The following BBS9 variants were observed in gnomAD, a reference collection of about 807,000 sequenced individuals.
BBS9 encodes protein PTHB1.
A neutral mutation model predicts 117.7 loss-of-function variants in BBS9; 89 were observed. The observed-to-expected ratio is 0.76, with a 90% confidence interval of 0.64 to 0.90. The LOEUF is 0.90. Ranked by LOEUF, BBS9 falls within the 40% of genes least tolerant of loss-of-function variation. The pLI is 0.00. For synonymous variants in BBS9, 379 were observed against 370.9 expected, an observed-to-expected ratio of 1.02 and a Z score of -0.25; for missense variants, 982 against 1,042.2, an observed-to-expected ratio of 0.94 and a Z score of 0.80.
At chr7:33,600,923 C>T (rs773223115) in intron 21 of BBS9, among the ~76,000 whole-genome samples, 3 of 152,172 alleles carry the variant, frequency 2.0e-5, no homozygotes, top group African/African-American at 7.2e-5. Flanking sequence ...TATGGAAAAC[C>T]AAAGCTGGAA....
At chr7:33,260,906 A>G (rs944711539) in intron 6 of BBS9, among the ~76,000 whole-genome samples, 3 of 152,198 alleles carry the variant, frequency 2.0e-5, no homozygotes, top group African/African-American at 7.2e-5. Context: ...AGCTCCTAAT[A>G]CATCACTAAG....
At chr7:33,551,029 A>G (rs1475318090) in intron 21 of BBS9, among the ~76,000 whole-genome samples, 5 of 152,182 alleles carry the variant, frequency 3.3e-5, no homozygotes, top group African/African-American at 1.2e-4. Flanking sequence ...AAAAAATAAA[A>G]TGATGTCACT....
chr7:33,606,960 T>C (rs1355385014), downstream of BBS9, among the ~76,000 whole-genome samples: 2 of 152,124 alleles, frequency 1.3e-5, no homozygotes, highest in Non-Finnish European at 2.9e-5. Flanking sequence ...GAAATGAATA[T>C]AGTCCCACTG....
intron 21 of BBS9, among the ~76,000 whole-genome samples, chr7:33,551,274 A>G (rs950658145): frequency 3.3e-5 from 5 of 152,188 alleles, no homozygotes; most frequent in Admixed American, 6.6e-5. Context: ...GGTGATAGAT[A>G]TTAAGGGCTG....
intron 5 of BBS9, among the ~76,000 whole-genome samples, chr7:33,252,487 C>T (rs1311673856): frequency 6.6e-6 from 1 of 152,036 alleles, no homozygotes; most frequent in African/African-American, 2.4e-5. Flanking sequence ...GGCTCTGTGA[C>T]CAGAGTTTCT....
chr7:33,301,379 T>C, intron 9 of BBS9, among the ~76,000 whole-genome samples: 1 of 152,074 alleles, frequency 6.6e-6, no homozygotes, highest in Admixed American at 6.6e-5. Flanking sequence ...ATTCTTTCTA[T>C]TTTTTTAAAT....
intron 19 of BBS9, among the ~76,000 whole-genome samples, chr7:33,487,734 G>A (rs1400903359): frequency 1.3e-5 from 2 of 152,130 alleles, no homozygotes; most frequent in Non-Finnish European, 2.9e-5. Flanking sequence ...GAATGGTCAG[G>A]GGATGTGTCT....
At chr7:33,519,012 G>C (rs1848221927) in intron 20 of BBS9, among the ~76,000 whole-genome samples, 1 of 151,772 alleles carries the variant, frequency 6.6e-6, no homozygotes, top group Non-Finnish European at 1.5e-5. Flanking sequence ...GATCAAGAGA[G>C]AAATAAATAG....
chr7:33,466,487 A>G (rs552264081), intron 19 of BBS9, among the ~76,000 whole-genome samples: 1 of 152,216 alleles, frequency 6.6e-6, no homozygotes, highest in East Asian at 1.9e-4. Context: ...TAACTTCTTT[A>G]AAGCTGAATA....
intron 19 of BBS9, among the ~76,000 whole-genome samples, chr7:33,426,258 T>A (rs1674119704): frequency 6.6e-6 from 1 of 152,230 alleles, no homozygotes; most frequent in Non-Finnish European, 1.5e-5. Flanking sequence ...TAATAGCTGC[T>A]ATTTTTTGAG....
intron 9 of BBS9, chr7:33,314,484 C>T (rs764602413): frequency 3.3e-5 from 7 of 209,936 alleles, no homozygotes; most frequent in Non-Finnish European, 5.8e-5. Context: ...AGGAATATTA[C>T]ATGACTGTAA....
chr7:33,175,074 C>A (rs897412170), intron 4 of BBS9, among the ~76,000 whole-genome samples: 1 of 152,132 alleles, frequency 6.6e-6, no homozygotes, highest in Admixed American at 6.5e-5. Context: ...GAGGCCGAGG[C>A]GAGTGGAACA....
At chr7:33,464,064 A>C (rs1259229400) in intron 19 of BBS9, among the ~76,000 whole-genome samples, 1 of 152,112 alleles carries the variant, frequency 6.6e-6, no homozygotes, top group African/African-American at 2.4e-5. Flanking sequence ...TTAAAATCAT[A>C]CATCATTTAT....
intron 5 of BBS9, among the ~76,000 whole-genome samples, chr7:33,219,970 C>T (rs1199657826): frequency 6.6e-6 from 1 of 152,170 alleles, no homozygotes; most frequent in African/African-American, 2.4e-5. Flanking sequence ...AGACCATGAA[C>T]CCACCAGAAG....
intron 19 of BBS9, among the ~76,000 whole-genome samples, chr7:33,472,071 C>T (rs577138589): frequency 6.6e-6 from 1 of 152,224 alleles, no homozygotes; most frequent in Non-Finnish European, 1.5e-5. Context: ...TCTAGAGGAA[C>T]ATTTATTCAT....
intron 19 of BBS9, among the ~76,000 whole-genome samples, chr7:33,398,000 A>T (rs1028481312): frequency 2.6e-5 from 4 of 152,148 alleles, no homozygotes; most frequent in African/African-American, 9.7e-5. Flanking sequence ...AAAAAAAAAT[A>T]AAAATTAAAA....
At chr7:33,410,785 A>G (rs1830977811) in intron 19 of BBS9, among the ~76,000 whole-genome samples, 1 of 152,036 alleles carries the variant, frequency 6.6e-6, no homozygotes, top group Non-Finnish European at 1.5e-5. Flanking sequence ...TTGCTTTCTT[A>G]TAGCCTAAAA....
In BBS9 at chr7:33,273,048, G is replaced by C. The variant is rs1314684001; in HGVS notation, c.739G>C (p.Asp247His). 7 of 1,613,564 alleles carry C rather than the reference G, an allele frequency of 4.3e-6. No homozygotes were observed. The African/African-American group carries it at 8.0e-5, about 18-fold the overall frequency. Residue 247 changes from aspartate (D) to histidine (H), a missense_variant, in exon 8 of 23, where the codon GAC (aspartate) becomes CAC (histidine). Transcript: ENST00000242067. Reference protein sequence around the residue: ...WTLNIGEQALDICIVSFNQSA... With the variant: ...WTLNIGEQALHICIVSFNQSA... ...TCTAAATATTGGAGAGCAAGCCCTT[G>C]ACATATGTATTGTCTCTTTCAATCA...
At chr7:33,585,245 AAG>A (rs1300116472) in intron 21 of BBS9, among the ~76,000 whole-genome samples, 1 of 152,076 alleles carries the variant, frequency 6.6e-6, no homozygotes, top group African/African-American at 2.4e-5. Context: ...CTTTTTTACT[AAG>A]AGGAAACTTC....
Sources: allele counts gnomAD v4.1 joint callset (sites outside exome capture counted in the v4.1 genomes callset), GRCh38; gene constraint gnomAD v4.1.1; transcripts MANE v1.5; gene names NCBI Gene and HGNC (gene_info 2026-07-23, HGNC 2026-07-21).